The following NMS variants were observed in gnomAD, a reference collection of about 807,000 sequenced individuals.
NMS encodes neuromedin-S.
A neutral mutation model predicts 32.2 loss-of-function variants in NMS; 30 were observed. That is an observed-to-expected ratio of 0.93 (90% CI 0.70 to 1.26). NMS has a LOEUF of 1.26. Ranked by LOEUF, NMS falls within the 50% of genes most tolerant of loss-of-function variation. The pLI is 0.00. For synonymous variants in NMS, 76 were observed against 58.5 expected, an observed-to-expected ratio of 1.30 and a Z score of -1.37; for missense variants, 190 against 186.3, an observed-to-expected ratio of 1.02 and a Z score of -0.12.
At chr2:100,473,214 G>A (rs1677039221) in intron 2 of NMS, among the ~76,000 whole-genome samples, 1 of 152,132 alleles carries the variant, frequency 6.6e-6, no homozygotes, top group South Asian at 2.1e-4. Flanking sequence ...TTCATATAGT[G>A]TGTTACAACC....
In NMS at chr2:100,479,338, G is replaced by T. The variant is rs536067658; in HGVS notation, c.262-15G>T. On this transcript the variant is annotated splice_polypyrimidine_tract_variant and intron_variant, in intron 5 of 9. Transcript: ENST00000376865. ...TGTCCCCCTGTCTGACCCTCTCCGC[G>T]CCTGTCTGTTGCAGTTTCCTCCAGT... The T allele has an allele frequency of 4.4e-6, 7 of 1,599,906 alleles. No individual in the cohort carries two copies. The highest frequency in any genetic ancestry group is 1.7e-6 in the Non-Finnish European group (2 of 1,172,260).
At chr2:100,479,513 G>A in intron 6 of NMS, 86 bp downstream of exon 6, 3 of 1,172,692 alleles carry the variant, frequency 2.6e-6, no homozygotes, top group Non-Finnish European at 3.7e-6. Context: ...CTTGGGGCTT[G>A]CTGTCATTCT....
rs764040489 is a variant in NMS at position 100,477,245 on chromosome 2, A to G, written c.185A>G (p.Asp62Gly). ...TTACCCTCACAATTCTCTTTCCAGGATAATCAAGACATATACAAAAGGGTG... is the reference window on the plus strand; with the variant it reads ...TTACCCTCACAATTCTCTTTCCAGGGTAATCAAGACATATACAAAAGGGTG... The part of the protein sequence containing the change: ...QWAPLSRQPK[D>G]NQDIYKRFLF... Residue 62 changes from aspartate to glycine, a missense_variant and splice_region_variant, in exon 4 of 10, where the codon GAT (aspartate) becomes GGT (glycine). By Grantham distance (94) the Asp-to-Gly change is moderately conservative. Transcript: ENST00000376865. 2 of 1,613,442 alleles carry G rather than the reference A, an allele frequency of 1.2e-6. No individual in the cohort carries two copies. Among genetic ancestry groups the G allele is most frequent in the Admixed American group, 3.3e-5 (2 of 60,008 alleles).
rs1389145001 is a variant in NMS, at chr2:100,482,293, A to G, written c.431A>G (p.Asn144Ser). 1.2e-6 allele frequency: 2 copies of G among 1,614,056 alleles called. No homozygotes were observed. The highest frequency in any genetic ancestry group is 1.7e-6 in the Non-Finnish European group (2 of 1,179,954). Residue 144 changes from asparagine to serine, a missense_variant, in exon 9 of 10, where the codon AAC becomes AGC. By Grantham distance (46) the Asn-to-Ser change is conservative (BLOSUM62 1). Coordinates refer to ENST00000376865, the MANE Select transcript of NMS (RefSeq NM_001011717.1). ...FFLFRPRNGR[N>S]IEDEAQIQW is the part of the protein sequence containing the mutation. ...TTTTTTCAGCCCAGGAATGGAAGAAACATTGAAGATGAGGCCCAGTAGGTA... is the reference window on the plus strand; with the variant it reads ...TTTTTTCAGCCCAGGAATGGAAGAAGCATTGAAGATGAGGCCCAGTAGGTA...
intron 3 of NMS, among the ~76,000 whole-genome samples, chr2:100,474,346 C>G (rs1026230916): frequency 3.3e-5 from 5 of 152,162 alleles, no homozygotes; most frequent in African/African-American, 1.2e-4. Context: ...TCCCCCAACC[C>G]ACAGCACACT....
rs543909809 is a variant in NMS at position 100,477,750 on chromosome 2, T to C, written c.261+336T>C. Among the ~76,000 whole-genome samples, 4 of 152,268 alleles carry C rather than the reference T, an allele frequency of 2.6e-5. No individual in the cohort carries two copies. The South Asian group carries it at 8.3e-4, about 32-fold the overall frequency. On this transcript the variant is annotated intron_variant, in intron 5 of 9. Transcript: ENST00000376865. ...TTACATTGTTTTTTCTTGCCATCTG[T>C]TTTTAAGTTTGTGCTTTGTGATGTG...
chr2:100,481,421 C>A (rs909023677), intron 8 of NMS, among the ~76,000 whole-genome samples: 1 of 152,098 alleles, frequency 6.6e-6, no homozygotes, highest in African/African-American at 2.4e-5. Flanking sequence ...CAGACAGACA[C>A]AAGGTAGACC....
Position 100,481,035 on chromosome 2 carries a change from C to A in NMS, c.373-91C>A, listed in dbSNP as rs1044205245. The A allele has an allele frequency of 3.8e-6, 5 of 1,299,022 alleles. No individual in the cohort carries two copies. The African/African-American group carries it at 7.3e-5, about 19-fold the overall frequency. 80.5% of individuals were successfully genotyped at this position (1,299,022 alleles called of 1,614,324 possible). ...GTTGTTGGTGCCACTGGTCTGGGACCACCCATTTTGAAAACTGTTCCTATA... is the reference window on the plus strand; with the variant it reads ...GTTGTTGGTGCCACTGGTCTGGGACAACCCATTTTGAAAACTGTTCCTATA... On this transcript the variant is annotated intron_variant, in intron 7 of 9. Transcript: ENST00000376865.
chr2:100,480,356 G>T (rs547778281), intron 6 of NMS, 140 bp from the exon 7 acceptor site: 2 of 790,248 alleles, frequency 2.5e-6, no homozygotes, highest in African/African-American at 1.7e-5. Context: ...CCCACCATTT[G>T]CCATGCTCTC....
intron 5 of NMS, 76 bp from the exon 6 acceptor site, chr2:100,479,277 G>GC: frequency 9.8e-7 from 1 of 1,020,222 alleles, no homozygotes; most frequent in Non-Finnish European, 1.4e-6. Context: ...AAAGAAATGC[G>GC]CATAGCCCTG....
intron 6 of NMS, among the ~76,000 whole-genome samples, chr2:100,480,082 G>T (rs2104338388): frequency 6.6e-6 from 1 of 152,294 alleles, no homozygotes; most frequent in East Asian, 1.9e-4. Context: ...GCAGCAGTTT[G>T]TCTGACCCCC....
chr2:100,473,615 G>C (rs1466822487), intron 3 of NMS, 76 bp downstream of exon 3: 1 of 457,802 alleles, frequency 2.2e-6, no homozygotes, highest in East Asian at 5.4e-5. Context: ...GCTACCTACA[G>C]GAGAATGCTG....
intron 3 of NMS, among the ~76,000 whole-genome samples, chr2:100,473,950 G>A (rs1474811566): frequency 6.6e-6 from 1 of 152,184 alleles, no homozygotes; most frequent in East Asian, 1.9e-4. Context: ...GGCCGAGCTG[G>A]GCAGATCACT....
intron 5 of NMS, 25 bp downstream of exon 5, chr2:100,477,439 G>A (rs772075662): frequency 1.3e-6 from 2 of 1,571,400 alleles, no homozygotes; most frequent in African/African-American, 1.3e-5. Context: ...ATAATCATCT[G>A]TCTGTAAAAG....
chr2:100,480,881 C>G (rs12623984), intron 7 of NMS, among the ~76,000 whole-genome samples: 3,596 of 152,224 alleles, frequency 0.024, 62 homozygotes, highest in East Asian at 0.067. Context: ...CCCCAAACAC[C>G]GGTGGTTCTC....
In NMS at chr2:100,481,185, A is replaced by G. The variant is rs780418455; in HGVS notation, c.414+18A>G. On this transcript the variant is annotated intron_variant, in intron 8 of 9. Transcript: ENST00000376865. ...TTTTCAGGGTATAGCATGTTTTCTCACCTTTGCTTTCTAACCTCGATTCAC... is the reference window on the plus strand; with the variant it reads ...TTTTCAGGGTATAGCATGTTTTCTCGCCTTTGCTTTCTAACCTCGATTCAC... 1 of 1,613,398 alleles carries G rather than the reference A, an allele frequency of 6.2e-7. No individual in the cohort carries two copies. Among genetic ancestry groups the G allele is most frequent in the South Asian group, 1.1e-5 (1 of 91,066 alleles).
At chr2:100,477,159 C>A (rs928914050) in intron 3 of NMS, 85 bp from the exon 4 acceptor site, 1 of 1,115,314 alleles carries the variant, frequency 9.0e-7, no homozygotes. Flanking sequence ...CACTAAGGTC[C>A]ATGGTGTACC....
At chr2:100,483,080 C>A (rs963284779) in intron 9 of NMS, among the ~76,000 whole-genome samples, 172 bp from the exon 10 acceptor site, 1 of 152,194 alleles carries the variant, frequency 6.6e-6, no homozygotes, top group Non-Finnish European at 1.5e-5. Flanking sequence ...ATTAGATAGA[C>A]CAAAAACAAA....
rs751283405 is a variant in NMS at position 100,482,263 on chromosome 2, C to A, written c.415-14C>A. ...TGTGTCTCAGTATTCATAAGTTGCTCCTTTTTTTTTCAGCCCAGGAATGGA... is the reference window on the plus strand; with the variant it reads ...TGTGTCTCAGTATTCATAAGTTGCTACTTTTTTTTTCAGCCCAGGAATGGA... On this transcript the variant is annotated splice_polypyrimidine_tract_variant and intron_variant, in intron 8 of 9. Transcript: ENST00000376865. 1.2e-6 allele frequency: 2 copies of A among 1,613,238 alleles called. No homozygotes were observed. Among genetic ancestry groups the A allele is most frequent in the African/African-American group, 2.7e-5 (2 of 74,874 alleles).
Sources: allele counts gnomAD v4.1 joint callset (sites outside exome capture counted in the v4.1 genomes callset), GRCh38; gene constraint gnomAD v4.1.1; transcripts MANE v1.5; gene names NCBI Gene and HGNC (gene_info 2026-07-23, HGNC 2026-07-21).